The following XPO4 variants were observed in gnomAD, a reference collection of about 807,000 sequenced individuals.
XPO4 encodes exportin 4.
A neutral mutation model predicts 143.0 loss-of-function variants in XPO4; 39 were observed. The observed-to-expected ratio is 0.27, with a 90% confidence interval of 0.21 to 0.36. The LOEUF is 0.36. Among genes scored for constraint, XPO4 ranks in the 10% least tolerant of loss-of-function variants. The pLI, the probability that XPO4 is intolerant of heterozygous loss-of-function variation, is 1.00. For synonymous variants in XPO4, 439 were observed against 474.0 expected, an observed-to-expected ratio of 0.93 and a Z score of 0.96; for missense variants, 907 against 1,348.0, an observed-to-expected ratio of 0.67 and a Z score of 5.12.
intron 1 of XPO4, among the ~76,000 whole-genome samples, chr13:20,900,804 GCTT>G (rs71757687): frequency 0.36 from 54,952 of 151,416 alleles, 11,342 homozygotes; most frequent in Non-Finnish European, 0.48. Context: ...TAGAGATGGG[GCTT>G]CACCGTGTTG....
At chr13:20,798,134 C>A (rs1480861780) in intron 16 of XPO4, among the ~76,000 whole-genome samples, 1 of 151,874 alleles carries the variant, frequency 6.6e-6, no homozygotes, top group Admixed American at 6.6e-5. Flanking sequence ...CAGAGCAAGA[C>A]TCCGTCTCAA....
intron 14 of XPO4, 148 bp from the exon 15 acceptor site, chr13:20,800,473 T>A: frequency 1.3e-6 from 1 of 756,570 alleles, no homozygotes. Context: ...TTTCCACTGG[T>A]CAAAAAAAAA....
chr13:20,893,344 A>C (rs1413816349), intron 1 of XPO4, among the ~76,000 whole-genome samples: 1 of 152,186 alleles, frequency 6.6e-6, no homozygotes, highest in African/African-American at 2.4e-5. Flanking sequence ...AGTGGACAGA[A>C]ACAGTCTTAT....
chr13:20,876,264 GA>G (rs35708026), intron 1 of XPO4, among the ~76,000 whole-genome samples: 12,532 of 81,880 alleles, frequency 0.15, 838 homozygotes, highest in East Asian at 0.49. Context: ...CTCCATCTCG[GA>G]AAAAAAAAAA....
Position 20,809,368 on chromosome 13 carries a change from T to C in XPO4, c.1351-143A>G, listed in dbSNP as rs1328047208. 15 of 990,926 alleles carry C rather than the reference T, an allele frequency of 1.5e-5. No individual in the cohort carries two copies. In the East Asian group the frequency reaches 2.6e-4, roughly 17 times the overall value. 61.4% of individuals were successfully genotyped at this position (990,926 alleles called of 1,614,324 possible). ...CACAGCCGACCTTTGAGCACAGCTA[T>C]CTAGGAACTCCCTTCTAACAATGCT... On this transcript the variant is annotated intron_variant, in intron 10 of 22. Transcript: ENST00000255305.
chr13:20,849,046 T>C (rs866937686), intron 4 of XPO4: 3 of 985,306 alleles, frequency 3.0e-6, no homozygotes, highest in African/African-American at 3.5e-5. Flanking sequence ...CCTTCAGAGA[T>C]AGCTTGCCTT....
At chr13:20,847,561 G>A (rs944491515) in intron 4 of XPO4, among the ~76,000 whole-genome samples, 11 of 152,128 alleles carry the variant, frequency 7.2e-5, no homozygotes, top group Non-Finnish European at 1.2e-4. Flanking sequence ...AGACTGTTAG[G>A]TCTCAATGGG....
At chr13:20,818,078 G>A (rs2059672813) in intron 9 of XPO4, among the ~76,000 whole-genome samples, 1 of 152,108 alleles carries the variant, frequency 6.6e-6, no homozygotes, top group South Asian at 2.1e-4. Context: ...GAGCCACCAA[G>A]CCCAGCAGGA....
intron 1 of XPO4, among the ~76,000 whole-genome samples, chr13:20,876,191 G>A (rs997485425): frequency 6.7e-6 from 1 of 149,808 alleles, no homozygotes; most frequent in South Asian, 2.1e-4. Context: ...GAATCCGGAA[G>A]GCAGAGGTTG....
chr13:20,788,861 T>TA (rs1448606358), intron 19 of XPO4, among the ~76,000 whole-genome samples: 1 of 152,236 alleles, frequency 6.6e-6, no homozygotes, highest in Non-Finnish European at 1.5e-5. Flanking sequence ...AGATAGTTAA[T>TA]AAAATCTAAG....
At chr13:20,853,397 A>T (rs1044232085) in intron 4 of XPO4, among the ~76,000 whole-genome samples, 11 of 150,070 alleles carry the variant, frequency 7.3e-5, no homozygotes, top group African/African-American at 2.7e-4. Flanking sequence ...AATCCCAGCT[A>T]CTCGAGAGGC....
At position 20,778,543 on chromosome 13, in the gene XPO4, T is replaced by G. The variant is rs1159581667; in HGVS notation, c.*5179A>C. ...ACTTGCTAAAAGTATTTACTAAATA[T>G]GCACCAAAGATAATGACTTAACTAG... On this transcript the variant is annotated 3_prime_UTR_variant, in exon 23 of 23. Transcript: ENST00000255305. 6.6e-6 allele frequency: 1 copy of G among 152,194 alleles called. No individual in the cohort carries two copies. Among genetic ancestry groups the G allele is most frequent in the African/African-American group, 2.4e-5 (1 of 41,458 alleles). 9.4% of individuals were successfully genotyped at this position (152,194 alleles called of 1,614,324 possible).
At chr13:20,814,542 T>G (rs960753814) in intron 9 of XPO4, among the ~76,000 whole-genome samples, 1 of 152,240 alleles carries the variant, frequency 6.6e-6, no homozygotes, top group Non-Finnish European at 1.5e-5. Flanking sequence ...AATTGGCAAC[T>G]AAATCTTTCA....
At chr13:20,789,014 A>G (rs1266203947) in intron 19 of XPO4, among the ~76,000 whole-genome samples, 1 of 152,256 alleles carries the variant, frequency 6.6e-6, no homozygotes, top group African/African-American at 2.4e-5. Context: ...AGGTTAATAC[A>G]AATTGTTAAG....
intron 1 of XPO4, among the ~76,000 whole-genome samples, chr13:20,898,139 T>C (rs748838154): frequency 1.3e-5 from 2 of 152,218 alleles, no homozygotes; most frequent in Non-Finnish European, 2.9e-5. Flanking sequence ...AATTTTTCTA[T>C]AGGACTACAG....
chr13:20,884,973 T>G (rs1048466406), intron 1 of XPO4, among the ~76,000 whole-genome samples: 1 of 152,192 alleles, frequency 6.6e-6, no homozygotes, highest in African/African-American at 2.4e-5. Flanking sequence ...TTTGTTTGTT[T>G]GTTTTTTGAG....
intron 3 of XPO4, chr13:20,859,791 A>C: frequency 3.3e-6 from 3 of 913,672 alleles, no homozygotes; most frequent in Non-Finnish European, 3.9e-6. Flanking sequence ...AAATTAAAAA[A>C]AAAAAAAGAA....
chr13:20,837,239 T>G (rs1669785612), intron 6 of XPO4, among the ~76,000 whole-genome samples: 1 of 152,130 alleles, frequency 6.6e-6, no homozygotes, highest in Admixed American at 6.5e-5. Context: ...GTTTAGGATG[T>G]TTAGCAGCAT....
intron 1 of XPO4, chr13:20,869,371 T>C: frequency 3.6e-6 from 1 of 277,270 alleles, no homozygotes; most frequent in Non-Finnish European, 5.5e-6. Context: ...GATAATAATC[T>C]TCTGAGCCAG....
Sources: allele counts gnomAD v4.1 joint callset (sites outside exome capture counted in the v4.1 genomes callset), GRCh38; gene constraint gnomAD v4.1.1; transcripts MANE v1.5; gene names NCBI Gene and HGNC (gene_info 2026-07-23, HGNC 2026-07-21).